Variants in DTX2 observed in about 807,000 individuals in gnomAD.
The protein encoded by DTX2 is deltex E3 ubiquitin ligase 2.
In DTX2, 29 loss-of-function variants were observed where a neutral mutation model predicts 55.3. The ratio of observed to expected loss-of-function variants is 0.52; its 90% CI spans 0.39 to 0.71. DTX2 has a LOEUF of 0.71. DTX2 is among the 30% of genes least tolerant of loss of function. The pLI is 0.00. For missense variants in DTX2, 537 were observed against 822.5 expected (o/e 0.65, Z 4.25); for synonymous variants, 276 against 340.4 (o/e 0.81, Z 2.08).
chr7:76,471,591 C>G (rs961954719), intron 2 of DTX2, among the ~76,000 whole-genome samples: 2 of 151,006 alleles, frequency 1.3e-5, no homozygotes, highest in African/African-American at 4.9e-5. Flanking sequence ...TGTAGTGGCA[C>G]GATCATAGCT....
At chr7:76,495,839 C>T (rs1810873718) in intron 5 of DTX2, among the ~76,000 whole-genome samples, 1 of 149,860 alleles carries the variant, frequency 6.7e-6, no homozygotes, top group Admixed American at 6.7e-5. Flanking sequence ...AAGGCCTGCC[C>T]GCTGAGGCAG....
intron 2 of DTX2, among the ~76,000 whole-genome samples, chr7:76,476,763 A>C (rs1378836482): frequency 6.6e-6 from 1 of 151,790 alleles, no homozygotes; most frequent in Non-Finnish European, 1.5e-5. Context: ...TGTAGGTATC[A>C]AAGGTGGCGG....
rs1344920189 is a variant in DTX2 at position 76,486,970 on chromosome 7, G to C, written c.908+3823G>C. On this transcript the variant is annotated intron_variant, in intron 4 of 10. Coordinates refer to ENST00000430490, the MANE Select transcript of DTX2 (RefSeq NM_001102594.3). ...TGTGGGATTGGAGTCATGGGGCCCAGATGGAGCCTTGCTCCTGACTTATGA... is the reference window on the plus strand; with the variant it reads ...TGTGGGATTGGAGTCATGGGGCCCACATGGAGCCTTGCTCCTGACTTATGA... Among the ~76,000 whole-genome samples the C allele has an allele frequency of 2.9e-5, 4 of 136,032 alleles. No individual in the cohort carries two copies. In the East Asian group the frequency reaches 9.9e-4, roughly 34 times the overall value. 89.2% of individuals were successfully genotyped at this position (136,032 alleles called of 152,430 possible). A position where few individuals can be genotyped will look rare whatever the true frequency, so the allele number is the denominator to read the frequency against.
At chr7:76,482,134 A>G (rs1474582903) in intron 3 of DTX2, among the ~76,000 whole-genome samples, 1 of 152,060 alleles carries the variant, frequency 6.6e-6, no homozygotes, top group Non-Finnish European at 1.5e-5. Flanking sequence ...TAACATGGAA[A>G]TTGCATATCG....
intron 10 of DTX2, among the ~76,000 whole-genome samples, chr7:76,504,777 A>G (rs1427775626): frequency 6.6e-6 from 1 of 152,086 alleles, no homozygotes; most frequent in African/African-American, 2.4e-5. Flanking sequence ...GCACTGAGAC[A>G]TGAATAGGGA....
chr7:76,466,810 C>T (rs1305223785), intron 2 of DTX2, among the ~76,000 whole-genome samples: 6 of 152,240 alleles, frequency 3.9e-5, no homozygotes, highest in South Asian at 2.1e-4. Flanking sequence ...GTTAGTCAGA[C>T]TGGTCTCAAA....
intron 7 of DTX2, 39 bp from the exon 8 acceptor site, chr7:76,502,259 C>G (rs764703677): frequency 6.4e-7 from 1 of 1,572,924 alleles, no homozygotes; most frequent in South Asian, 1.1e-5. Flanking sequence ...CAGCCCAGCC[C>G]ACTGTTGGCG....
chr7:76,475,696 A>T (rs1563728219), intron 2 of DTX2, among the ~76,000 whole-genome samples: 1 of 110,624 alleles, frequency 9.0e-6, no homozygotes, highest in Non-Finnish European at 2.0e-5. Context: ...AAAAATAAAA[A>T]AAAAGAAAAA....
chr7:76,483,638 T>C (rs116848658), intron 4 of DTX2, among the ~76,000 whole-genome samples: 74,191 of 140,944 alleles, frequency 0.53, 19,504 homozygotes, highest in South Asian at 0.6. Flanking sequence ...GCAGGTGGCA[T>C]GGGTGACCTG....
intron 2 of DTX2, among the ~76,000 whole-genome samples, chr7:76,466,784 G>A (rs1322949330): frequency 6.6e-6 from 1 of 152,240 alleles, no homozygotes; most frequent in Admixed American, 6.5e-5. Context: ...TTTTAGTAGA[G>A]ACGGAGTTTC....
At chr7:76,468,953 C>T (rs1807528302) in intron 2 of DTX2, among the ~76,000 whole-genome samples, 1 of 108,802 alleles carries the variant, frequency 9.2e-6, no homozygotes, top group African/African-American at 3.6e-5. Context: ...TTGGTAGATA[C>T]GGGGTTTCAC....
intron 6 of DTX2, among the ~76,000 whole-genome samples, chr7:76,498,845 G>T (rs1160439356): frequency 7.6e-6 from 1 of 131,144 alleles, no homozygotes; most frequent in Non-Finnish European, 1.6e-5. Context: ...AGGGTGTGTG[G>T]GGTGTGTGGA....
At chr7:76,483,692 G>A (rs1440716541) in intron 4 of DTX2, among the ~76,000 whole-genome samples, 13 of 151,126 alleles carry the variant, frequency 8.6e-5, no homozygotes, top group African/African-American at 2.4e-4. Context: ...CTGGTAGAGC[G>A]CTCAGCTCCT....
At chr7:76,480,912 T>G (rs1344768751) in intron 3 of DTX2, 135 bp downstream of exon 3, 8 of 1,057,004 alleles carry the variant, frequency 7.6e-6, no homozygotes, top group Non-Finnish European at 1.1e-5. Flanking sequence ...TGGTGGTGGG[T>G]GGGTGCAGTG....
chr7:76,468,212 G>A (rs1184662165), intron 2 of DTX2, among the ~76,000 whole-genome samples: 9 of 152,238 alleles, frequency 5.9e-5, no homozygotes, highest in Non-Finnish European at 1.2e-4. Flanking sequence ...TGTGCTGTTG[G>A]ATGCTGTATT....
intron 5 of DTX2, among the ~76,000 whole-genome samples, chr7:76,495,555 T>C (rs1424141291): frequency 6.6e-6 from 1 of 150,758 alleles, no homozygotes; most frequent in Admixed American, 6.6e-5. Flanking sequence ...GGGTCCTGCA[T>C]TGAAAAGGAC....
intron 2 of DTX2, among the ~76,000 whole-genome samples, chr7:76,475,745 T>G (rs1808490163): frequency 6.7e-6 from 1 of 148,830 alleles, no homozygotes; most frequent in Non-Finnish European, 1.5e-5. Flanking sequence ...CATTTTAGTG[T>G]TGTTCTTTCC....
chr7:76,483,538 A>G (rs1288634008), intron 4 of DTX2, among the ~76,000 whole-genome samples: 1 of 151,432 alleles, frequency 6.6e-6, no homozygotes, highest in Non-Finnish European at 1.5e-5. Context: ...AGACCAGAGT[A>G]TCAGCCCTTA....
chr7:76,469,166 A>G (rs111308286), intron 2 of DTX2, among the ~76,000 whole-genome samples: 1,725 of 150,398 alleles, frequency 0.011, 17 homozygotes, highest in African/African-American at 0.04. Flanking sequence ...AGTCACTGCA[A>G]AGACTTTTTC....
Sources: allele counts gnomAD v4.1 joint callset (sites outside exome capture counted in the v4.1 genomes callset), GRCh38; gene constraint gnomAD v4.1.1; transcripts MANE v1.5; gene names NCBI Gene and HGNC (gene_info 2026-07-23, HGNC 2026-07-21).